The following CAMK1D variants were observed in gnomAD, a reference collection of about 807,000 sequenced individuals.
CAMK1D encodes calcium/calmodulin dependent protein kinase ID.
In CAMK1D, 9 loss-of-function variants were observed where a neutral mutation model predicts 47.7. The observed-to-expected ratio is 0.19, with a 90% CI of 0.11 to 0.33. The LOEUF is 0.33. Ranked by LOEUF, CAMK1D falls within the 10% of genes least tolerant of loss-of-function variation. The pLI is 1.00. For missense variants in CAMK1D, 291 were observed against 488.7 expected (o/e 0.60, Z 3.81); for synonymous variants, 184 against 184.9 (o/e 0.99, Z 0.04).
At chr10:12,604,863 A>G (rs1838403094) in intron 2 of CAMK1D, among the ~76,000 whole-genome samples, 1 of 151,998 alleles carries the variant, frequency 6.6e-6, no homozygotes, top group Non-Finnish European at 1.5e-5. Flanking sequence ...TCACTTTGGG[A>G]AATGCAGATC....
At chr10:12,382,057 A>AT (rs753265137) in intron 1 of CAMK1D, among the ~76,000 whole-genome samples, 5 of 152,224 alleles carry the variant, frequency 3.3e-5, no homozygotes, top group Admixed American at 6.5e-5. Flanking sequence ...ACAATTTTTC[A>AT]TTTTTTTATC....
At chr10:12,367,470 T>C (rs182450460) in intron 1 of CAMK1D, among the ~76,000 whole-genome samples, 103 of 151,956 alleles carry the variant, frequency 6.8e-4, no homozygotes, top group African/African-American at 2.4e-3. Flanking sequence ...TATTACCTAT[T>C]ATTATATTTA....
At position 12,422,727 on chromosome 10, in the gene CAMK1D, C is replaced by T. The variant is rs146885673; in HGVS notation, c.92+72817C>T. 2.4e-4 allele frequency among the ~76,000 whole-genome samples: 36 copies of T among 151,534 alleles called. No individual in the cohort carries two copies. The East Asian group carries it at 5.6e-3, about 24-fold the overall frequency. On this transcript the variant is annotated intron_variant, in intron 1 of 10. Coordinates refer to ENST00000619168, the MANE Select transcript of CAMK1D (RefSeq NM_153498.4). Reference sequence around the variant, plus strand: ...TCAGTCTGTCGCCCAGGCTGGAGTGCAGTGGCATAATCTCGGCTCACTGCA... The same window carrying T: ...TCAGTCTGTCGCCCAGGCTGGAGTGTAGTGGCATAATCTCGGCTCACTGCA...
At chr10:12,581,251 G>A (rs1837654701) in intron 2 of CAMK1D, among the ~76,000 whole-genome samples, 1 of 152,064 alleles carries the variant, frequency 6.6e-6, no homozygotes, top group African/African-American at 2.4e-5. Flanking sequence ...GTATTCCATG[G>A]TATATATATA....
intron 2 of CAMK1D, among the ~76,000 whole-genome samples, chr10:12,596,194 C>A (rs141787125): frequency 6.6e-6 from 1 of 151,896 alleles, no homozygotes; most frequent in Non-Finnish European, 1.5e-5. Context: ...GAGAAACTGT[C>A]GACAAAATAA....
chr10:12,767,789 C>G (rs73576003), intron 4 of CAMK1D, among the ~76,000 whole-genome samples: 2,700 of 152,306 alleles, frequency 0.018, 91 homozygotes, highest in African/African-American at 0.062. Flanking sequence ...ACGCTTTAGT[C>G]TGGCTCAGTG....
At chr10:12,672,896 C>CTTTTTTTTTT (rs750447013) in intron 3 of CAMK1D, among the ~76,000 whole-genome samples, 1,121 of 76,176 alleles carry the variant, frequency 0.015, 33 homozygotes, top group African/African-American at 0.021. Context: ...ATAGGCTTGC[C>CTTTTTTTTTT]TTTTTTTTTT....
At chr10:12,773,114 G>T (rs533702415) in intron 5 of CAMK1D, among the ~76,000 whole-genome samples, 1 of 152,176 alleles carries the variant, frequency 6.6e-6, no homozygotes, top group Non-Finnish European at 1.5e-5. Context: ...ATTAGGGTTC[G>T]TATCAATCTG....
Position 12,756,844 on chromosome 10 carries a change from C to T in CAMK1D, c.300-4104C>T, listed in dbSNP as rs537162311. Reference sequence around the variant, plus strand: ...TCGGGAGGCTAAGGCAGGAGAATGGCGTGAACCCAGGGAGCTTGCAGTGAG... The same window carrying T: ...TCGGGAGGCTAAGGCAGGAGAATGGTGTGAACCCAGGGAGCTTGCAGTGAG... On this transcript the variant is annotated intron_variant, in intron 3 of 10. Coordinates refer to ENST00000619168, the MANE Select transcript of CAMK1D (RefSeq NM_153498.4). 1.6e-3 allele frequency among the ~76,000 whole-genome samples: 244 copies of T among 152,300 alleles called. 1 individual carries two copies. The highest frequency in any genetic ancestry group is 2.5e-3 in the Non-Finnish European group (171 of 68,032).
In CAMK1D at chr10:12,526,009, T is replaced by G. The variant is rs367918920; in HGVS notation, c.93-27216T>G. Among the ~76,000 whole-genome samples, 8 of 152,340 alleles carry G rather than the reference T, an allele frequency of 5.3e-5. No individual in the cohort carries two copies. The East Asian group carries it at 9.6e-4, about 18-fold the overall frequency. ...CTGACCTCCAGTGATCCGCCTGCTG[T>G]GGCCTCCCAAAGTGCTGGGATTACA... On this transcript the variant is annotated intron_variant, in intron 1 of 10. Coordinates refer to ENST00000619168, the MANE Select transcript of CAMK1D (RefSeq NM_153498.4).
intron 1 of CAMK1D, among the ~76,000 whole-genome samples, chr10:12,466,079 A>G (rs1449749822): frequency 6.6e-6 from 1 of 152,088 alleles, no homozygotes; most frequent in Non-Finnish European, 1.5e-5. Context: ...GCTGCTTGGG[A>G]GGTTGAGGAA....
chr10:12,530,991 AAGGTTGC>A (rs1391809153), intron 1 of CAMK1D, among the ~76,000 whole-genome samples: 2 of 151,840 alleles, frequency 1.3e-5, no homozygotes, highest in Non-Finnish European at 2.9e-5. Flanking sequence ...CTGGGAGGTG[AAGGTTGC>A]AGTGAGCCAA....
intron 1 of CAMK1D, among the ~76,000 whole-genome samples, chr10:12,456,993 T>C (rs1292756435): frequency 6.6e-6 from 1 of 152,120 alleles, no homozygotes; most frequent in Admixed American, 6.5e-5. Flanking sequence ...CACCAGAGTG[T>C]TGGAAGCCGC....
At chr10:12,392,118 C>A (rs1185553044) in intron 1 of CAMK1D, among the ~76,000 whole-genome samples, 1 of 152,046 alleles carries the variant, frequency 6.6e-6, no homozygotes, top group East Asian at 1.9e-4. Flanking sequence ...GCCTGACCAA[C>A]ATGGTGAAAC....
intron 6 of CAMK1D, among the ~76,000 whole-genome samples, chr10:12,813,153 C>A (rs1397516048): frequency 6.6e-6 from 1 of 152,138 alleles, no homozygotes; most frequent in Non-Finnish European, 1.5e-5. Context: ...TGCTAAAAAT[C>A]AACTTTGAAA....
rs373202446 is a variant in CAMK1D, at chr10:12,814,252, C to T, written c.699C>T (p.Ile233=). The T allele has an allele frequency of 3.1e-6, 5 of 1,613,936 alleles. No homozygotes were observed. In the African/African-American group the frequency reaches 4.0e-5, roughly 13 times the overall value. The change falls in exon 7 of 11, where the codon ATC becomes ATT. Residue 233 remains isoleucine, a synonymous_variant. Transcript: ENST00000619168. ...DENDSKLFEQ[I]LKAEYEFDSP... ...ATGACTCCAAGCTCTTTGAGCAGAT[C>T]CTCAAGGCGGAATATGAGTTTGACT...
At chr10:12,604,884 C>T (rs1015188651) in intron 2 of CAMK1D, among the ~76,000 whole-genome samples, 4 of 144,626 alleles carry the variant, frequency 2.8e-5, no homozygotes, top group African/African-American at 1.1e-4. Context: ...CAATGCAATC[C>T]TTTTTTTTCT....
At chr10:12,654,711 T>A (rs918444905) in intron 2 of CAMK1D, among the ~76,000 whole-genome samples, 1 of 152,218 alleles carries the variant, frequency 6.6e-6, no homozygotes, top group Admixed American at 6.5e-5. Context: ...ACCCTGGATC[T>A]TAACCTTTAA....
chr10:12,552,812 G>A (rs1276352488), intron 1 of CAMK1D, among the ~76,000 whole-genome samples: 6 of 152,136 alleles, frequency 3.9e-5, no homozygotes, highest in African/African-American at 4.8e-5. Context: ...CACGATCTCG[G>A]CTCACTGCAA....
Sources: allele counts gnomAD v4.1 joint callset (sites outside exome capture counted in the v4.1 genomes callset), GRCh38; gene constraint gnomAD v4.1.1; transcripts MANE v1.5; gene names NCBI Gene and HGNC (gene_info 2026-07-23, HGNC 2026-07-21).